The following FAM120B variants were observed in gnomAD, a reference collection of about 807,000 sequenced individuals.
FAM120B encodes the protein constitutive coactivator of peroxisome proliferator-activated receptor gamma.
Under a neutral mutation model 96.3 loss-of-function variants are expected in FAM120B, and 83 were observed. The ratio of observed to expected loss-of-function variants is 0.86; its 90% CI spans 0.72 to 1.03. The LOEUF (loss-of-function observed/expected upper bound fraction) is 1.03, where lower values mean the gene tolerates loss of function less well. Ranked by LOEUF, FAM120B falls within the 50% of genes least tolerant of loss-of-function variation. The pLI, the probability that FAM120B is intolerant of heterozygous loss-of-function variation, is 0.00. For missense variants in FAM120B, 1,027 were observed against 1,121.2 expected, an observed-to-expected ratio of 0.92 and a Z score of 1.20; for synonymous variants, 407 against 402.7, an observed-to-expected ratio of 1.01 and a Z score of -0.13.
At position 170,361,690 on chromosome 6, in the gene FAM120B, C is replaced by T. The variant is rs75752908; in HGVS notation, c.2283+3372C>T. On this transcript the variant is annotated intron_variant, in intron 6 of 10. Transcript: ENST00000476287. ...GGTTCTAGAGAACATACCTGCTCGA[C>T]TGAACTTTGAATAGGACATGTGATC... is the stretch of plus-strand genomic sequence containing the variant. 0.01 allele frequency among the ~76,000 whole-genome samples: 1,569 copies of T among 152,256 alleles called. 68 individuals are homozygous for T. In the East Asian group the frequency reaches 0.11, roughly 10 times the overall value.
At chr6:170,354,620 C>T (rs763439959) in intron 5 of FAM120B, among the ~76,000 whole-genome samples, 8 of 152,126 alleles carry the variant, frequency 5.3e-5, no homozygotes, top group South Asian at 4.1e-4. Context: ...CATGAACAGA[C>T]ACTTCTCAAA....
At chr6:170,324,956 G>A (rs1785501619) in intron 3 of FAM120B, among the ~76,000 whole-genome samples, 1 of 152,148 alleles carries the variant, frequency 6.6e-6, no homozygotes, top group Admixed American at 6.5e-5. Context: ...GTGTTAATAA[G>A]GCTATTCCAA....
At chr6:170,312,848 G>T (rs550695160) in intron 1 of FAM120B, among the ~76,000 whole-genome samples, 3 of 152,188 alleles carry the variant, frequency 2.0e-5, no homozygotes, top group Non-Finnish European at 4.4e-5. Flanking sequence ...AGAGTGAAGG[G>T]GTGAGGGGAT....
At chr6:170,349,098 G>A (rs564550274) in intron 5 of FAM120B, among the ~76,000 whole-genome samples, 86 of 152,300 alleles carry the variant, frequency 5.6e-4, no homozygotes, top group Admixed American at 7.8e-4. Flanking sequence ...GTAAAAGAAA[G>A]GCTGAGAATG....
intron 4 of FAM120B, among the ~76,000 whole-genome samples, chr6:170,335,163 GC>G (rs1329515043): frequency 6.6e-6 from 1 of 151,172 alleles, no homozygotes; most frequent in Non-Finnish European, 1.5e-5. Flanking sequence ...TAGGTTTTAA[GC>G]CCCACATGCA....
In FAM120B at chr6:170,295,345, C is replaced by G. The variant is rs1783971714; in HGVS notation, c.-61C>G. 1 of 698,572 alleles carries G rather than the reference C, an allele frequency of 1.4e-6. No homozygotes were observed. Among genetic ancestry groups the G allele is most frequent in the East Asian group, 2.7e-5 (1 of 36,950 alleles). The allele number at this position is 698,572 out of a possible 1,614,324, so 43.3% of individuals were successfully genotyped here. A position where few individuals can be genotyped will look rare whatever the true frequency, so the allele number is the denominator to read the frequency against. On this transcript the variant is annotated 5_prime_UTR_variant, in exon 1 of 11. Transcript: ENST00000537664. This position sits in a 1 kb window ranked among gnomAD's most constrained non-coding sequence, Gnocchi z 7.8. ...CACTCGGTTGCCGCGCGTGGACTTA[C>G]AAGCCCACGAAGCCATCGTTCGTCA...
chr6:170,329,455 C>G (rs960970652), intron 3 of FAM120B, among the ~76,000 whole-genome samples: 2 of 152,178 alleles, frequency 1.3e-5, no homozygotes, highest in Admixed American at 6.5e-5. Flanking sequence ...TGCCCTTTCA[C>G]AAACGACCAC....
intron 5 of FAM120B, among the ~76,000 whole-genome samples, chr6:170,351,668 G>T (rs796513754): frequency 6.6e-6 from 1 of 152,124 alleles, no homozygotes; most frequent in African/African-American, 2.4e-5. Context: ...TTCCAACCCA[G>T]AATTTTATAT....
intron 3 of FAM120B, among the ~76,000 whole-genome samples, chr6:170,328,507 C>CA (rs1785758623): frequency 6.6e-6 from 1 of 152,286 alleles, no homozygotes; most frequent in African/African-American, 2.4e-5. Flanking sequence ...GATGAGACAG[C>CA]AAGGCTCATC....
intron 4 of FAM120B, among the ~76,000 whole-genome samples, chr6:170,341,052 T>C (rs2115109460): frequency 6.6e-6 from 1 of 152,280 alleles, no homozygotes; most frequent in African/African-American, 2.4e-5. Flanking sequence ...CCGCTGCTGC[T>C]CTCTGCAGAG....
intron 6 of FAM120B, among the ~76,000 whole-genome samples, chr6:170,375,129 C>T (rs1356883944): frequency 6.6e-6 from 1 of 152,172 alleles, no homozygotes; most frequent in Non-Finnish European, 1.5e-5. Context: ...AGGGATGGTC[C>T]CTAAGCTGGT....
intron 6 of FAM120B, among the ~76,000 whole-genome samples, chr6:170,367,981 C>G (rs753317071): frequency 1.3e-5 from 2 of 152,140 alleles, no homozygotes; most frequent in Non-Finnish European, 2.9e-5. Context: ...GGGGGCCTTA[C>G]AAGCATCAAG....
At chr6:170,396,126 CA>C (rs1257847064) in intron 9 of FAM120B, among the ~76,000 whole-genome samples, 1 of 152,158 alleles carries the variant, frequency 6.6e-6, no homozygotes, top group East Asian at 1.9e-4. Flanking sequence ...TTTTGAGAGC[CA>C]AACTTTATAA....
At chr6:170,386,392 G>A (rs1008974250) in intron 6 of FAM120B, among the ~76,000 whole-genome samples, 2 of 152,138 alleles carry the variant, frequency 1.3e-5, no homozygotes, top group African/African-American at 4.8e-5. Flanking sequence ...GCATGAAAAA[G>A]GGACATCTGT....
chr6:170,314,596 A>G (rs1209455654), intron 1 of FAM120B, among the ~76,000 whole-genome samples: 1 of 152,220 alleles, frequency 6.6e-6, no homozygotes, highest in Non-Finnish European at 1.5e-5. Flanking sequence ...ATATACACAT[A>G]TTATTTTCCC....
intron 4 of FAM120B, among the ~76,000 whole-genome samples, chr6:170,334,784 A>G (rs903373834): frequency 6.6e-5 from 10 of 152,196 alleles, no homozygotes; most frequent in Non-Finnish European, 1.2e-4. Flanking sequence ...CAAGGGTTAA[A>G]TTTTGCATTA....
At chr6:170,367,781 A>C (rs1788895784) in intron 6 of FAM120B, among the ~76,000 whole-genome samples, 1 of 152,228 alleles carries the variant, frequency 6.6e-6, no homozygotes. Flanking sequence ...TAGAAAAATG[A>C]AGATATAATT....
intron 4 of FAM120B, among the ~76,000 whole-genome samples, chr6:170,341,064 CG>C (rs1786789272): frequency 6.6e-6 from 1 of 152,170 alleles, no homozygotes; most frequent in Non-Finnish European, 1.5e-5. Flanking sequence ...TCTGCAGAGC[CG>C]TCAGGCAGGA....
chr6:170,397,791 G>C (rs917072988), intron 9 of FAM120B, among the ~76,000 whole-genome samples: 4 of 152,180 alleles, frequency 2.6e-5, no homozygotes, highest in Non-Finnish European at 5.9e-5. Flanking sequence ...GGCCAACCTT[G>C]ATGACATGAA....
Sources: gnomAD v4.1 joint callset for allele counts (sites outside exome capture counted in the v4.1 genomes callset) on GRCh38, gnomAD v4.1.1 for gene constraint, Gnocchi (gnomAD v3.1) non-coding constraint, MANE v1.5 for transcripts, NCBI Gene and HGNC (gene_info 2026-07-23, HGNC 2026-07-21) for gene names.